MLLT10: variants seen among roughly 807,000 people sequenced by gnomAD.
MLLT10 encodes the protein protein AF-10.
In MLLT10, 30 loss-of-function variants were observed where a neutral mutation model predicts 129.1. That is an observed-to-expected ratio of 0.23 (90% CI 0.17 to 0.32). The LOEUF (loss-of-function observed/expected upper bound fraction) is 0.32. Ranked by LOEUF, MLLT10 falls within the 10% of genes least tolerant of loss-of-function variation. MLLT10 has a pLI of 1.00. For missense variants in MLLT10, 1,119 were observed against 1,268.3 expected (o/e 0.88, Z 1.79); for synonymous variants, 490 against 446.4 (o/e 1.10, Z -1.23).
chr10:21,738,320 A>T (rs2058548492), intron 21 of MLLT10: 4 of 1,017,642 alleles, frequency 3.9e-6, no homozygotes, highest in African/African-American at 1.7e-5. Context: ...GTTTTTTCTT[A>T]CCAGTTGCCT....
chr10:21,739,179 G>A (rs1377032459), intron 21 of MLLT10, among the ~76,000 whole-genome samples: 5 of 152,090 alleles, frequency 3.3e-5, no homozygotes, highest in African/African-American at 7.2e-5. Flanking sequence ...ATGAATACAA[G>A]CCAAGGTGGC....
intron 8 of MLLT10, chr10:21,626,052 G>A: frequency 7.0e-7 from 1 of 1,431,972 alleles, no homozygotes; most frequent in Admixed American, 1.7e-5. Flanking sequence ...TTTCTCTCAA[G>A]CAAGGCCTTG....
intron 3 of MLLT10, among the ~76,000 whole-genome samples, chr10:21,542,698 G>A (rs1307656068): frequency 9.2e-5 from 14 of 152,060 alleles, no homozygotes; most frequent in African/African-American, 3.1e-4. Flanking sequence ...AGATCAGCCT[G>A]GACAACATAG....
At chr10:21,536,827 C>G (rs1482766824) in intron 2 of MLLT10, among the ~76,000 whole-genome samples, 1 of 151,898 alleles carries the variant, frequency 6.6e-6, no homozygotes, top group African/African-American at 2.4e-5. Context: ...TCTTGTTGCT[C>G]AGGCTGGAGT....
At chr10:21,618,725 C>T (rs890042689) in intron 8 of MLLT10, among the ~76,000 whole-genome samples, 2 of 151,714 alleles carry the variant, frequency 1.3e-5, no homozygotes, top group African/African-American at 4.8e-5. Flanking sequence ...CCTCTGCCTG[C>T]TGGGTTCAAA....
chr10:21,638,530 C>T (rs1376817005), intron 8 of MLLT10, among the ~76,000 whole-genome samples: 1 of 151,988 alleles, frequency 6.6e-6, no homozygotes, highest in East Asian at 1.9e-4. Flanking sequence ...GTGCCTGTAT[C>T]CAACAGAGTC....
At position 21,743,552 on chromosome 10, in the gene MLLT10, T is replaced by C. The variant is rs1453064822; in HGVS notation, c.*1569T>C. The stretch of plus-strand genomic sequence containing the variant: ...AAATGGTAAATTTTGAATGTGTTGT[T>C]ATTTTACCTAGATGTAAAATTCCAC... On this transcript the variant is annotated 3_prime_UTR_variant, in exon 23 of 23. Coordinates refer to ENST00000307729, the MANE Select transcript of MLLT10 (RefSeq NM_001195626.3). 1 of 179,554 alleles carries C rather than the reference T, an allele frequency of 5.6e-6. No homozygotes were observed. The highest frequency in any genetic ancestry group is 1.2e-5 in the Non-Finnish European group (1 of 83,572). The allele number at this position is 179,554 out of a possible 1,614,324, so 11.1% of individuals were successfully genotyped here.
At chr10:21,711,158 C>T (rs1168304282) in intron 13 of MLLT10, among the ~76,000 whole-genome samples, 1 of 152,162 alleles carries the variant, frequency 6.6e-6, no homozygotes, top group Non-Finnish European at 1.5e-5. Flanking sequence ...TGTGGTGGCT[C>T]AAACCTGTAA....
At chr10:21,685,154 A>G (rs1280014361) in intron 13 of MLLT10, among the ~76,000 whole-genome samples, 3 of 152,078 alleles carry the variant, frequency 2.0e-5, no homozygotes, top group Non-Finnish European at 4.4e-5. Flanking sequence ...TTTATCTCAC[A>G]TTTGTGAAAC....
At chr10:21,713,468 G>A (rs1424268727) in intron 13 of MLLT10, among the ~76,000 whole-genome samples, 1 of 152,032 alleles carries the variant, frequency 6.6e-6, no homozygotes, top group African/African-American at 2.4e-5. Context: ...TTTAAGAAAC[G>A]TTTTCTTGCT....
At chr10:21,589,585 G>A (rs2042305369) in intron 4 of MLLT10, among the ~76,000 whole-genome samples, 1 of 151,990 alleles carries the variant, frequency 6.6e-6, no homozygotes, top group African/African-American at 2.4e-5. Context: ...ATTACTATGT[G>A]CTTTTTTCCT....
At chr10:21,580,726 G>C (rs975047029) in intron 3 of MLLT10, among the ~76,000 whole-genome samples, 6 of 151,108 alleles carry the variant, frequency 4.0e-5, no homozygotes, top group Non-Finnish European at 8.8e-5. Flanking sequence ...TTTTGAGACA[G>C]AGTCTTGCAC....
intron 8 of MLLT10, chr10:21,625,493 T>C: frequency 1.0e-6 from 1 of 989,896 alleles, no homozygotes; most frequent in Non-Finnish European, 1.6e-6. Context: ...CATTCAACTG[T>C]AACTACATTT....
intron 8 of MLLT10, among the ~76,000 whole-genome samples, chr10:21,649,049 A>G (rs1355312311): frequency 1.3e-5 from 2 of 152,204 alleles, no homozygotes; most frequent in African/African-American, 4.8e-5. Flanking sequence ...ATATCAATGT[A>G]TTAACTTACA....
intron 3 of MLLT10, among the ~76,000 whole-genome samples, chr10:21,559,543 T>C (rs1328260173): frequency 6.6e-6 from 1 of 152,232 alleles, no homozygotes; most frequent in African/African-American, 2.4e-5. Context: ...ACATTCACAG[T>C]GTTTATAACC....
chr10:21,733,489 C>T lies in MLLT10; in HGVS notation c.2408-15C>T, dbSNP rs770912723. The T allele has an allele frequency of 2.7e-6, 4 of 1,459,560 alleles. No homozygotes were observed. The highest frequency in any genetic ancestry group is 3.6e-6 in the Non-Finnish European group (4 of 1,097,416). 90.4% of individuals were successfully genotyped at this position (1,459,560 alleles called of 1,614,324 possible). On this transcript the variant is annotated splice_polypyrimidine_tract_variant and intron_variant, in intron 18 of 22. Coordinates refer to ENST00000307729, the MANE Select transcript of MLLT10 (RefSeq NM_001195626.3). ...ATAGGGTAAATAGGTTTCTTTTTGT[C>T]TTTTATTATTCTAGCTCCTACTACT...
intron 8 of MLLT10, among the ~76,000 whole-genome samples, chr10:21,622,495 T>A (rs2045984684): frequency 6.6e-6 from 1 of 152,022 alleles, no homozygotes; most frequent in African/African-American, 2.4e-5. Flanking sequence ...AAATTGAAAA[T>A]TTGGTATATA....
chr10:21,543,552 C>T lies in MLLT10; in HGVS notation c.240+4640C>T, dbSNP rs777741544. On this transcript the variant is annotated intron_variant, in intron 3 of 22. Transcript: ENST00000307729. ...GGAGTGCAGTGGCATCATCTTGGCT[C>T]ACTGCAACCTCCGCCTCCCGGGTTC... is the stretch of plus-strand genomic sequence containing the variant. Among the ~76,000 whole-genome samples the T allele has an allele frequency of 8.0e-4, 122 of 152,250 alleles. 1 individual carries two copies. Among genetic ancestry groups the T allele is most frequent in the Middle Eastern group, 3.4e-3 (1 of 294 alleles).
intron 17 of MLLT10, among the ~76,000 whole-genome samples, chr10:21,732,159 AT>A (rs901791055): frequency 5.4e-4 from 82 of 152,350 alleles, no homozygotes; most frequent in African/African-American, 1.9e-3. Context: ...CCCTGAGGTC[AT>A]GTTAAACAAA....
Sources: allele counts gnomAD v4.1 joint callset (sites outside exome capture counted in the v4.1 genomes callset), GRCh38; gene constraint gnomAD v4.1.1; transcripts MANE v1.5; gene names NCBI Gene and HGNC (gene_info 2026-07-23, HGNC 2026-07-21).